PKP4: variants seen among roughly 807,000 people sequenced by gnomAD.
PKP4 encodes the protein plakophilin 4, also known as plakophilin-4.
PKP4 carries 90 observed loss-of-function variants against 145.1 expected under a neutral mutation model. The ratio of observed to expected loss-of-function variants is 0.62; its 90% CI spans 0.52 to 0.74. The LOEUF (loss-of-function observed/expected upper bound fraction) is 0.74, where lower values mean the gene tolerates loss of function less well. Among genes scored for constraint, PKP4 ranks in the 30% least tolerant of loss-of-function variants. PKP4 has a pLI of 0.00. For missense variants in PKP4, 1,340 were observed against 1,482.7 expected (o/e 0.90, Z 1.58); for synonymous variants, 563 against 577.2 (o/e 0.98, Z 0.35).
At chr2:158,483,660 A>G (rs1415754844) in intron 1 of PKP4, among the ~76,000 whole-genome samples, 3 of 152,108 alleles carry the variant, frequency 2.0e-5, no homozygotes, top group African/African-American at 7.2e-5. Flanking sequence ...TTTTAATGCC[A>G]TTTTGAAACT....
intron 3 of PKP4, among the ~76,000 whole-genome samples, chr2:158,586,769 A>T (rs1267467311): frequency 1.3e-5 from 2 of 152,222 alleles, no homozygotes; most frequent in Admixed American, 6.5e-5. Context: ...TTCTTCCAGA[A>T]GGCATTTTTA....
intron 4 of PKP4, among the ~76,000 whole-genome samples, chr2:158,610,797 C>T (rs537750685): frequency 1.3e-5 from 2 of 152,002 alleles, no homozygotes; most frequent in Non-Finnish European, 2.9e-5. Context: ...GGAGGAGAAT[C>T]GGCCTCAGAA....
At position 158,505,839 on chromosome 2, in the gene PKP4, C is replaced by G. The variant is rs145586945; in HGVS notation, c.-5-27341C>G. Among the ~76,000 whole-genome samples, 310 of 152,150 alleles carry G rather than the reference C, an allele frequency of 2.0e-3. 1 individual carries two copies. Among genetic ancestry groups the G allele is most frequent in the Non-Finnish European group, 3.2e-3 (215 of 67,988 alleles). On this transcript the variant is annotated intron_variant, in intron 1 of 21. Transcript: ENST00000389759. ...AGGGAGGGATAGAGTGCTGCTGTCC[C>G]TGGAAGTACCGGTGTGGAGGAGGTG... is the stretch of plus-strand genomic sequence containing the variant.
intron 1 of PKP4, among the ~76,000 whole-genome samples, chr2:158,482,270 T>C (rs573073211): frequency 9.3e-4 from 141 of 152,324 alleles, no homozygotes; most frequent in South Asian, 3.1e-3. Flanking sequence ...TGCTATATCC[T>C]GAAATTCTCT....
At chr2:158,522,850 G>A (rs554093823) in intron 1 of PKP4, among the ~76,000 whole-genome samples, 8 of 152,136 alleles carry the variant, frequency 5.3e-5, no homozygotes, top group African/African-American at 1.4e-4. Context: ...TTCCCTTTCC[G>A]AGTCAAAGAA....
intron 16 of PKP4, 140 bp downstream of exon 16, chr2:158,666,703 G>C: frequency 1.6e-6 from 1 of 638,420 alleles, no homozygotes. Flanking sequence ...GCATATTTGA[G>C]TACTCCTGTT....
chr2:158,606,449 A>G (rs2050667286), intron 4 of PKP4, among the ~76,000 whole-genome samples: 1 of 152,146 alleles, frequency 6.6e-6, no homozygotes, highest in Non-Finnish European at 1.5e-5. Flanking sequence ...AATTTGTTGT[A>G]TTTTAACCTT....
At chr2:158,462,309 AT>A (rs1162136083) in intron 1 of PKP4, among the ~76,000 whole-genome samples, 1 of 152,000 alleles carries the variant, frequency 6.6e-6, no homozygotes, top group Non-Finnish European at 1.5e-5. Context: ...TTTGGATTAT[AT>A]TGATCTAAGT....
chr2:158,650,434 T>C (rs2055251801), intron 11 of PKP4, among the ~76,000 whole-genome samples: 1 of 152,206 alleles, frequency 6.6e-6, no homozygotes, highest in South Asian at 2.1e-4. Flanking sequence ...TCTCTAAAAG[T>C]TGGTAGATCT....
intron 11 of PKP4, among the ~76,000 whole-genome samples, chr2:158,650,123 C>T (rs1489363136): frequency 1.3e-5 from 2 of 152,180 alleles, no homozygotes; most frequent in Non-Finnish European, 2.9e-5. Flanking sequence ...TGGCCAGGGC[C>T]GCTGCCCCCA....
intron 2 of PKP4, chr2:158,533,559 G>A (rs2043770107): frequency 1.7e-5 from 10 of 582,848 alleles, no homozygotes; most frequent in East Asian, 1.2e-4. Context: ...GATGGTGATC[G>A]GTGTCTCTGT....
intron 4 of PKP4, among the ~76,000 whole-genome samples, chr2:158,611,931 C>G (rs1232285207): frequency 6.6e-6 from 1 of 151,818 alleles, no homozygotes; most frequent in African/African-American, 2.4e-5. Flanking sequence ...GCCTTTTTAC[C>G]AACTGCAGTG....
intron 1 of PKP4, among the ~76,000 whole-genome samples, chr2:158,497,488 T>G (rs1168478030): frequency 6.6e-6 from 1 of 152,156 alleles, no homozygotes; most frequent in Non-Finnish European, 1.5e-5. Context: ...TATATTCTCT[T>G]AAATTGTTTT....
At chr2:158,554,296 C>A (rs1350193347) in intron 2 of PKP4, among the ~76,000 whole-genome samples, 1 of 152,118 alleles carries the variant, frequency 6.6e-6, no homozygotes, top group Non-Finnish European at 1.5e-5. Flanking sequence ...CTAGACAGCC[C>A]ATCCAGGCTC....
chr2:158,464,478 G>T (rs1240641300), intron 1 of PKP4, among the ~76,000 whole-genome samples: 1 of 152,094 alleles, frequency 6.6e-6, no homozygotes, highest in Admixed American at 6.5e-5. Context: ...AAAAAAATCC[G>T]TATAGAACTC....
intron 3 of PKP4, among the ~76,000 whole-genome samples, chr2:158,590,339 G>GTA (rs1203899808): frequency 6.7e-6 from 1 of 148,680 alleles, no homozygotes; most frequent in African/African-American, 2.5e-5. Flanking sequence ...GTGTGTGTGT[G>GTA]TGTGTGTGTG....
intron 2 of PKP4, among the ~76,000 whole-genome samples, chr2:158,567,908 A>G (rs2047122149): frequency 6.6e-6 from 1 of 152,220 alleles, no homozygotes; most frequent in African/African-American, 2.4e-5. Flanking sequence ...GAATGGGATA[A>G]GAGAAAGGGA....
At chr2:158,498,541 T>C (rs1696085921) in intron 1 of PKP4, among the ~76,000 whole-genome samples, 1 of 152,234 alleles carries the variant, frequency 6.6e-6, no homozygotes, top group South Asian at 2.1e-4. Context: ...TTTCTTGGGC[T>C]TCAGTTTTCT....
intron 4 of PKP4, among the ~76,000 whole-genome samples, chr2:158,609,594 T>TA (rs2050954282): frequency 6.6e-6 from 1 of 152,230 alleles, no homozygotes; most frequent in African/African-American, 2.4e-5. Flanking sequence ...GGTGGATTGT[T>TA]AGAGATGCAA....
Sources: gnomAD v4.1 joint callset for allele counts (sites outside exome capture counted in the v4.1 genomes callset) on GRCh38, gnomAD v4.1.1 for gene constraint, MANE v1.5 for transcripts, NCBI Gene and HGNC (gene_info 2026-07-23, HGNC 2026-07-21) for gene names.